The following KIT variants were observed in gnomAD, a reference collection of about 807,000 sequenced individuals.
KIT encodes the protein KIT proto-oncogene, receptor tyrosine kinase.
KIT carries 16 observed loss-of-function variants against 105.7 expected under a neutral mutation model. The observed-to-expected ratio is 0.15, with a 90% confidence interval of 0.10 to 0.23. The LOEUF (loss-of-function observed/expected upper bound fraction) is 0.23, where lower values mean the gene tolerates loss of function less well. KIT is among the 10% of genes least tolerant of loss of function. KIT has a pLI of 1.00. For synonymous variants in KIT, 438 were observed against 441.1 expected, an observed-to-expected ratio of 0.99 and a Z score of 0.09; for missense variants, 858 against 1,213.8, an observed-to-expected ratio of 0.71 and a Z score of 4.36.
intron 7 of KIT, among the ~76,000 whole-genome samples, chr4:54,720,626 C>G (rs1721809935): frequency 6.6e-6 from 1 of 152,172 alleles, no homozygotes; most frequent in South Asian, 2.1e-4. Context: ...CCTTACTACC[C>G]AGAGATAACC....
At chr4:54,685,593 C>G (rs569012927) in intron 1 of KIT, among the ~76,000 whole-genome samples, 40 of 152,274 alleles carry the variant, frequency 2.6e-4, no homozygotes, top group South Asian at 2.3e-3. Flanking sequence ...CTTCACTGCT[C>G]CCAGAGGAGT....
intron 1 of KIT, among the ~76,000 whole-genome samples, chr4:54,661,381 G>A (rs1465438054): frequency 6.6e-6 from 1 of 152,160 alleles, no homozygotes; most frequent in Non-Finnish European, 1.5e-5. Context: ...TGCTGCTGTT[G>A]TTGACAGCCC....
chr4:54,704,046 T>C (rs930417547), intron 5 of KIT, among the ~76,000 whole-genome samples, 154 bp downstream of exon 5: 4 of 152,206 alleles, frequency 2.6e-5, no homozygotes, highest in Admixed American at 2.0e-4. Context: ...CCTCTTGCAA[T>C]GAAAGCACAA....
chr4:54,689,377 GAGA>G (rs1719537312), intron 1 of KIT, among the ~76,000 whole-genome samples: 1 of 152,210 alleles, frequency 6.6e-6, no homozygotes, highest in Admixed American at 6.5e-5. Flanking sequence ...AGATACACTA[GAGA>G]AGAACTTAAT....
At position 54,723,607 on chromosome 4, in the gene KIT, G is replaced by C. The variant is rs752354428; in HGVS notation, c.1255G>C (p.Asp419His). Residue 419 changes from aspartate (D) to histidine (H), a missense_variant, in exon 8 of 21, where the codon GAC becomes CAC. Asp to His is a moderately conservative substitution (Grantham distance 81, BLOSUM62 -1). Transcript: ENST00000288135. ...VNTKPEILTY[D>H]RLVNGMLQCV... ...AGCAAAACCAGAAATCCTGACTTAC[G>C]ACAGGCTCGTGAATGGCATGCTCCA... 3 of 1,613,902 alleles carry C rather than the reference G, an allele frequency of 1.9e-6. No individual in the cohort carries two copies. The highest frequency in any genetic ancestry group is 1.1e-5 in the South Asian group (1 of 91,062).
In KIT at chr4:54,740,484, AT is replaced by A. The variant is rs746428370; in HGVS notation, c.*1929del. Reference sequence around the variant, plus strand: ...TCTTTGCAGTGGCTTAATGTTTGAAATTATTTTGTGGCTTTTTTTGTAAATA... The same window carrying A: ...TCTTTGCAGTGGCTTAATGTTTGAAATATTTTGTGGCTTTTTTTGTAAATA... On this transcript the variant is annotated 3_prime_UTR_variant, in exon 21 of 21. Transcript: ENST00000288135. The A allele has an allele frequency of 2.6e-5, 6 of 233,304 alleles. No homozygotes were observed. The East Asian group carries it at 3.0e-4, about 12-fold the overall frequency. The allele number at this position is 233,304 out of a possible 1,614,324, so 14.5% of individuals were successfully genotyped here. A position where few individuals can be genotyped will look rare whatever the true frequency, so the allele number is the denominator to read the frequency against.
At chr4:54,691,364 G>A (rs930251194) in intron 1 of KIT, among the ~76,000 whole-genome samples, 6 of 152,174 alleles carry the variant, frequency 3.9e-5, no homozygotes, top group African/African-American at 1.4e-4. Flanking sequence ...GTGATGGGCT[G>A]CCTCTGTTGG....
intron 2 of KIT, 48 bp downstream of exon 2, chr4:54,695,829 C>T (rs755989291): frequency 1.2e-5 from 20 of 1,608,706 alleles, no homozygotes; most frequent in Non-Finnish European, 1.5e-5. Context: ...AATTTAATAT[C>T]CTGCTCTTAA....
At chr4:54,706,012 A>T (rs190978889) in intron 5 of KIT, among the ~76,000 whole-genome samples, 5 of 152,288 alleles carry the variant, frequency 3.3e-5, no homozygotes, top group African/African-American at 9.6e-5. Context: ...CAATTACTTT[A>T]TTGCTCTCTT....
intron 4 of KIT, among the ~76,000 whole-genome samples, chr4:54,703,280 A>T (rs1241646986): frequency 6.6e-6 from 1 of 152,156 alleles, no homozygotes; most frequent in Admixed American, 6.6e-5. Flanking sequence ...CATTCTTGCA[A>T]ATAATAAATT....
intron 1 of KIT, among the ~76,000 whole-genome samples, chr4:54,662,701 T>C (rs1717369475): frequency 6.6e-6 from 1 of 152,046 alleles, no homozygotes. Flanking sequence ...GCCTCCTGAG[T>C]AGCTGGGATT....
At chr4:54,663,909 C>T (rs1261483756) in intron 1 of KIT, among the ~76,000 whole-genome samples, 1 of 152,182 alleles carries the variant, frequency 6.6e-6, no homozygotes, top group African/African-American at 2.4e-5. Flanking sequence ...ATTTTGGATT[C>T]AGTTTAACAA....
intron 1 of KIT, among the ~76,000 whole-genome samples, chr4:54,666,916 G>A (rs1717739242): frequency 6.6e-6 from 1 of 152,168 alleles, no homozygotes; most frequent in Admixed American, 6.5e-5. Flanking sequence ...AGAACCCACA[G>A]CCTAAAAATG....
At chr4:54,712,740 A>G (rs991735026) in intron 7 of KIT, among the ~76,000 whole-genome samples, 12 of 152,122 alleles carry the variant, frequency 7.9e-5, no homozygotes, top group African/African-American at 2.7e-4. Context: ...GATTGCCTGT[A>G]AGTAGGAGGT....
chr4:54,697,780 G>T (rs1181412141), intron 2 of KIT, among the ~76,000 whole-genome samples: 2 of 152,224 alleles, frequency 1.3e-5, no homozygotes, highest in Non-Finnish European at 2.9e-5. Context: ...CCTGGAAAGG[G>T]TCCTGCACCA....
At chr4:54,730,133 C>G (rs966700743) in intron 14 of KIT, among the ~76,000 whole-genome samples, 1 of 152,144 alleles carries the variant, frequency 6.6e-6, no homozygotes. Flanking sequence ...TGACTTACAA[C>G]CAGAAAAGAA....
Position 54,727,245 on chromosome 4 carries a change from C to T in KIT, c.1568C>T (p.Thr523Ile), listed in dbSNP as rs772866513. 1.9e-6 allele frequency: 3 copies of T among 1,614,138 alleles called. No homozygotes were observed. The highest frequency in any genetic ancestry group is 2.2e-5 in the East Asian group (1 of 44,878). The change falls in exon 10 of 21, where the codon ACT becomes ATT. Residue 523 changes from threonine (T) to isoleucine (I), a missense_variant. Physicochemically the swap from Thr to Ile is moderately conservative, Grantham distance 89. This residue lies in a region of KIT where 78 missense variants were observed against 77.6 expected (regional missense o/e 1.01). Transcript: ENST00000288135. ...CAAATCCATCCCCACACCCTGTTCA[C>T]TCCTTTGCTGATTGGTTTCGTAATC... The part of the protein sequence containing the change: ...KEQIHPHTLF[T>I]PLLIGFVIVA...
intron 1 of KIT, among the ~76,000 whole-genome samples, chr4:54,658,657 G>T (rs1041075452): frequency 1.2e-4 from 18 of 152,240 alleles, no homozygotes; most frequent in African/African-American, 4.1e-4. Context: ...CTCTGCTCGC[G>T]GCGCCACCCG....
At chr4:54,658,112 G>C in intron 1 of KIT, 31 bp downstream of exon 1, 2 of 1,609,496 alleles carry the variant, frequency 1.2e-6, no homozygotes, top group Non-Finnish European at 1.7e-6. Flanking sequence ...CCCCGACCGT[G>C]CGACTACTCG....
Sources: allele counts gnomAD v4.1 joint callset (sites outside exome capture counted in the v4.1 genomes callset), GRCh38; gene constraint gnomAD v4.1.1; regional missense constraint gnomAD v4.1.1; transcripts MANE v1.5; gene names NCBI Gene and HGNC (gene_info 2026-07-23, HGNC 2026-07-21).